ACADSB: variants seen among roughly 807,000 people sequenced by gnomAD.
ACADSB encodes the protein short/branched chain specific acyl-CoA dehydrogenase, mitochondrial.
Under a neutral mutation model 54.1 loss-of-function variants are expected in ACADSB, and 40 were observed. The observed-to-expected ratio is 0.74, with a 90% CI of 0.57 to 0.96. ACADSB has a LOEUF of 0.96. Ranked by LOEUF, ACADSB falls within the 40% of genes least tolerant of loss-of-function variation. ACADSB has a pLI of 0.00. For missense variants in ACADSB, 530 were observed against 510.4 expected (o/e 1.04, Z -0.37); for synonymous variants, 182 against 182.8 (o/e 1.00, Z 0.03).
intron 1 of ACADSB, among the ~76,000 whole-genome samples, chr10:123,011,723 C>A (rs1005176023): frequency 6.6e-6 from 1 of 151,996 alleles, no homozygotes; most frequent in East Asian, 1.9e-4. Flanking sequence ...GATGGGGTTT[C>A]ACCATCTTGG....
At position 123,056,887 on chromosome 10, in the gene ACADSB, G is replaced by A. The variant is rs1253457713; in HGVS notation, c.*3122G>A. On this transcript the variant is annotated 3_prime_UTR_variant, in exon 11 of 11. Coordinates refer to ENST00000358776, the MANE Select transcript of ACADSB (RefSeq NM_001609.4). The stretch of plus-strand genomic sequence containing the variant: ...AAATTGTGTAAATACAATTGACATA[G>A]GAATTACATTAAAATATTAGGAAGA... The A allele has an allele frequency of 6.6e-6, 1 of 152,598 alleles. No individual in the cohort carries two copies. Among genetic ancestry groups the A allele is most frequent in the Admixed American group, 6.5e-5 (1 of 15,276 alleles). 9.5% of individuals were successfully genotyped at this position (152,598 alleles called of 1,614,324 possible).
chr10:123,036,487 A>G (rs1435740026), intron 2 of ACADSB, among the ~76,000 whole-genome samples: 1 of 152,266 alleles, frequency 6.6e-6, no homozygotes, highest in African/African-American at 2.4e-5. Context: ...GTTAGTTTAC[A>G]TAAATCAAAG....
intron 1 of ACADSB, among the ~76,000 whole-genome samples, chr10:123,028,881 A>T (rs964828454): frequency 3.9e-5 from 6 of 152,070 alleles, no homozygotes; most frequent in African/African-American, 1.5e-4. Context: ...TAAAACAGAA[A>T]GAAAAAACTA....
chr10:123,036,642 C>G (rs892226854), intron 2 of ACADSB, among the ~76,000 whole-genome samples: 2 of 152,042 alleles, frequency 1.3e-5, no homozygotes, highest in African/African-American at 2.4e-5. Context: ...CAAAGACAGT[C>G]GAATAAAGGA....
intron 5 of ACADSB, among the ~76,000 whole-genome samples, chr10:123,042,187 A>G (rs553110792): frequency 3.3e-5 from 5 of 152,084 alleles, no homozygotes; most frequent in African/African-American, 1.2e-4. Flanking sequence ...GCTGGTCTCA[A>G]ACTCCTGACG....
At chr10:123,019,373 C>T (rs1269102673) in intron 1 of ACADSB, among the ~76,000 whole-genome samples, 4 of 152,198 alleles carry the variant, frequency 2.6e-5, no homozygotes, top group Admixed American at 1.3e-4. Context: ...TGGAAATACA[C>T]GTGCCATAGG....
rs1179332327 is a variant in ACADSB, at chr10:123,034,462, A to G, written c.149A>G (p.His50Arg). Residue 50 changes from histidine (H) to arginine (R), a missense_variant, in exon 2 of 11, where the codon CAC (histidine) becomes CGC (arginine). Transcript: ENST00000358776. ...ALLNITNNGI[H>R]FAPLQTFTDE... ...CTCAATATAACAAATAATGGAATAC[A>G]CTTTGCTCCCCTGCAAACATTTACA... 6.2e-7 allele frequency: 1 copy of G among 1,612,848 alleles called. No homozygotes were observed. Among genetic ancestry groups the G allele is most frequent in the East Asian group, 2.2e-5 (1 of 44,870 alleles).
intron 1 of ACADSB, among the ~76,000 whole-genome samples, chr10:123,018,431 C>A (rs1850136604): frequency 6.6e-6 from 1 of 152,082 alleles, no homozygotes; most frequent in African/African-American, 2.4e-5. Context: ...TTAGGAACTC[C>A]TAAAGACTAG....
intron 1 of ACADSB, among the ~76,000 whole-genome samples, chr10:123,010,947 G>A (rs1850026432): frequency 6.6e-6 from 1 of 152,194 alleles, no homozygotes; most frequent in African/African-American, 2.4e-5. Flanking sequence ...GAAGTGATAG[G>A]CTCTTTGGAA....
rs143308923 is a variant in ACADSB, at chr10:123,054,087, C to T, written c.*322C>T. 840 of 334,264 alleles carry T rather than the reference C, an allele frequency of 2.5e-3. 3 individuals are homozygous for T. The highest frequency in any genetic ancestry group is 0.016 in the African/African-American group (748 of 47,588). 20.7% of individuals were successfully genotyped at this position (334,264 alleles called of 1,614,324 possible). ...TGTCACCCAGGCTAGAGTGCAGTGG[C>T]GCGATCTCAGCTCACTGCAGCCTTG... On this transcript the variant is annotated 3_prime_UTR_variant, in exon 11 of 11. Coordinates refer to ENST00000358776, the MANE Select transcript of ACADSB (RefSeq NM_001609.4).
intron 1 of ACADSB, among the ~76,000 whole-genome samples, chr10:123,032,454 A>C (rs1193571482): frequency 6.6e-6 from 1 of 152,154 alleles, no homozygotes; most frequent in Non-Finnish European, 1.5e-5. Flanking sequence ...GCATTTTGTG[A>C]AGAAGCCTAG....
intron 1 of ACADSB, among the ~76,000 whole-genome samples, chr10:123,013,743 C>G (rs914550807): frequency 6.6e-6 from 1 of 152,226 alleles, no homozygotes; most frequent in Non-Finnish European, 1.5e-5. Context: ...CAGCTGCTGG[C>G]CTGGGTGCTA....
intron 8 of ACADSB, among the ~76,000 whole-genome samples, 176 bp from the exon 9 acceptor site, chr10:123,050,873 T>C (rs927246599): frequency 2.0e-5 from 3 of 152,214 alleles, no homozygotes; most frequent in Middle Eastern, 3.2e-3. Flanking sequence ...ACAATACTTA[T>C]AGTGTCACAT....
rs368934462 is a variant in ACADSB, at chr10:123,044,477, G to T, written c.892G>T (p.Ala298Ser). The T allele has an allele frequency of 1.2e-6, 2 of 1,611,594 alleles. No homozygotes were observed. Among genetic ancestry groups the T allele is most frequent in the African/African-American group, 2.7e-5 (2 of 74,864 alleles). ...TCTCAATGAAGGTAGAATAGGAATT[G>T]CTGCACAGGTAAGTCAGATTTAAAC... ...GSLNEGRIGI[A>S]AQMLGLAQGC... The change falls in exon 7 of 11, where the codon GCT (alanine) becomes TCT (serine). Residue 298 changes from alanine to serine, a missense_variant. By Grantham distance (99) the Ala-to-Ser change is moderately conservative. Coordinates refer to ENST00000358776, the MANE Select transcript of ACADSB (RefSeq NM_001609.4).
At chr10:123,040,736 G>GA (rs1405281132) in intron 4 of ACADSB, 64 bp downstream of exon 4, 1 of 1,499,412 alleles carries the variant, frequency 6.7e-7, no homozygotes, top group Non-Finnish European at 9.3e-7. Flanking sequence ...ATATTTTCAG[G>GA]AAAAAAGTAG....
rs748043926 is a variant in ACADSB at position 123,034,555 on chromosome 10, A to G, written c.202+40A>G. On this transcript the variant is annotated intron_variant, in intron 2 of 10. Transcript: ENST00000358776. ...CAGTGTCACCTTTTTCTCCCCAGAC[A>G]GGATCTCTGGAGCATAGTGGTGCAA... The G allele has an allele frequency of 1.3e-5, 21 of 1,588,186 alleles. No individual in the cohort carries two copies. In the South Asian group the frequency reaches 2.3e-4, roughly 18 times the overall value.
intron 2 of ACADSB, among the ~76,000 whole-genome samples, chr10:123,035,108 C>T (rs1850381403): frequency 6.6e-6 from 1 of 152,090 alleles, no homozygotes; most frequent in Non-Finnish European, 1.5e-5. Context: ...TGCCACCACG[C>T]CTGGCTAGTT....
At chr10:123,032,675 C>T (rs564838297) in intron 1 of ACADSB, among the ~76,000 whole-genome samples, 6 of 151,160 alleles carry the variant, frequency 4.0e-5, no homozygotes, top group South Asian at 2.1e-4. Context: ...CCGCAACCTC[C>T]GCCTCCTGGG....
In ACADSB at chr10:123,052,809, T is replaced by C; in HGVS notation, c.1129-252T>C. On this transcript the variant is annotated intron_variant, in intron 9 of 10. Coordinates refer to ENST00000358776, the MANE Select transcript of ACADSB (RefSeq NM_001609.4). This position sits in a 1 kb window ranked among gnomAD's most constrained non-coding sequence, Gnocchi z 4.2. ...GTAAACATTTCCTGAATAAATGATA[T>C]CTCTCAGCATGCAGATTCATGTGAA... 1 of 495,792 alleles carries C rather than the reference T, an allele frequency of 2.0e-6. No individual in the cohort carries two copies. The highest frequency in any genetic ancestry group is 3.1e-5 in the Admixed American group (1 of 32,310). 30.7% of individuals were successfully genotyped at this position (495,792 alleles called of 1,614,324 possible).
Sources: allele counts gnomAD v4.1 joint callset (sites outside exome capture counted in the v4.1 genomes callset), GRCh38; gene constraint gnomAD v4.1.1; non-coding constraint Gnocchi (gnomAD v3.1); transcripts MANE v1.5; gene names NCBI Gene and HGNC (gene_info 2026-07-23, HGNC 2026-07-21).